The following OR56A3 variants were observed in gnomAD, a reference collection of about 807,000 sequenced individuals.
OR56A3 encodes olfactory receptor 56A3.
In OR56A3, 23 loss-of-function variants were observed where a neutral mutation model predicts 17.5. That is an observed-to-expected ratio of 1.32 (90% CI 0.95 to 1.87). The LOEUF (loss-of-function observed/expected upper bound fraction) is 1.87, where lower values mean the gene tolerates loss of function less well. Among genes scored for constraint, OR56A3 ranks in the 40% most tolerant of loss-of-function variants. The pLI, the probability that OR56A3 is intolerant of heterozygous loss-of-function variation, is 0.00. For missense variants in OR56A3, 366 were observed against 380.1 expected (o/e 0.96, Z 0.31); for synonymous variants, 175 against 150.6 (o/e 1.16, Z -1.19).
chr11:5,954,091 A>G (rs572484929), downstream of OR56A3, among the ~76,000 whole-genome samples: 1 of 152,304 alleles, frequency 6.6e-6, no homozygotes, highest in Non-Finnish European at 1.5e-5. Context: ...TACTCATTAA[A>G]GAGATGGTCA....
At chr11:5,970,758 A>C in the OR56A3 span, among the ~76,000 whole-genome samples, 1 of 152,022 alleles carries the variant, frequency 6.6e-6, no homozygotes, top group Non-Finnish European at 1.5e-5. Context: ...TGCACAAATC[A>C]CACCACTGCC....
At chr11:5,987,017 G>T in the OR56A3 span, 2 of 1,296,700 alleles carry the variant, frequency 1.5e-6, no homozygotes, top group South Asian at 1.4e-5. Context: ...AACTGCAAAC[G>T]AAGGGAATAA....
At chr11:5,972,226 A>G in the OR56A3 span, among the ~76,000 whole-genome samples, 1 of 152,200 alleles carries the variant, frequency 6.6e-6, no homozygotes, top group African/African-American at 2.4e-5. Flanking sequence ...TCTCAGCCAC[A>G]GAACACATGG....
chr11:5,947,952 C>A lies in OR56A3; in HGVS notation c.606C>A (p.Tyr202Ter). 1 of 1,614,194 alleles carries A rather than the reference C, an allele frequency of 6.2e-7. No homozygotes were observed. The highest frequency in any genetic ancestry group is 8.5e-7 in the Non-Finnish European group (1 of 1,180,024). ...ATGATGTCACCATCAATCACCTTTA[C>A]CAATTTGCTGGAGGCTGGACTCTGC... is the stretch of plus-strand genomic sequence containing the variant. The part of the protein sequence containing the change: ...SCDDVTINHL[Y>*]QFAGGWTLLG... The change falls in exon 3 of 3, where the codon TAC (tyrosine) becomes TAA (stop). Residue 202 changes from tyrosine to a stop codon, truncating the protein, a stop_gained. Transcript: ENST00000641160. LOFTEE classifies it high-confidence loss of function.
chr11:5,971,454 C>A, the OR56A3 span, among the ~76,000 whole-genome samples: 1 of 152,208 alleles, frequency 6.6e-6, no homozygotes, highest in African/African-American at 2.4e-5. Context: ...TTCCCAGACT[C>A]TGATCCATCC....
chr11:5,959,024 T>C, the OR56A3 span, among the ~76,000 whole-genome samples: 1 of 152,232 alleles, frequency 6.6e-6, no homozygotes, highest in African/African-American at 2.4e-5. Context: ...TTTTCATTAA[T>C]CTATGGATGA....
the OR56A3 span, among the ~76,000 whole-genome samples, chr11:5,960,991 C>T: frequency 6.0e-5 from 9 of 148,866 alleles, no homozygotes; most frequent in South Asian, 2.1e-4. Context: ...TCTGACCGGC[C>T]GCCCCATCTG....
the OR56A3 span, among the ~76,000 whole-genome samples, chr11:6,010,325 T>C: frequency 5.3e-5 from 8 of 152,182 alleles, no homozygotes; most frequent in Non-Finnish European, 1.0e-4. Flanking sequence ...TACACTGCTA[T>C]GGTTTGAATG....
At chr11:5,994,702 G>A in the OR56A3 span, 11 of 833,780 alleles carry the variant, frequency 1.3e-5, no homozygotes, top group Middle Eastern at 3.4e-4. Flanking sequence ...GGGCATTGTC[G>A]ATTTGCAGAA....
chr11:6,010,786 T>A, the OR56A3 span, among the ~76,000 whole-genome samples: 45 of 152,038 alleles, frequency 3.0e-4, no homozygotes, highest in African/African-American at 9.7e-4. Flanking sequence ...GGGATTTTTT[T>A]ATTCTTTCTA....
At chr11:6,016,432 C>T in the OR56A3 span, among the ~76,000 whole-genome samples, 2 of 152,130 alleles carry the variant, frequency 1.3e-5, no homozygotes, top group African/African-American at 4.8e-5. Flanking sequence ...GGAGACTACA[C>T]TACTGCAAGC....
At chr11:5,961,767 A>G in the OR56A3 span, among the ~76,000 whole-genome samples, 10 of 152,038 alleles carry the variant, frequency 6.6e-5, no homozygotes, top group African/African-American at 1.4e-4. Context: ...AAAAAAAAAA[A>G]AAAGAAAGCG....
chr11:5,948,893 T>C lies in OR56A3; in HGVS notation c.*599T>C, dbSNP rs1443810500. ...GACAAGTAAATTTTTGTAATGTGCA[T>C]TGCAAGAGGGCAAGGGTTTTGCCTT... On this transcript the variant is annotated 3_prime_UTR_variant, in exon 3 of 3. Transcript: ENST00000641160. 1.3e-5 allele frequency: 2 copies of C among 153,282 alleles called. No individual in the cohort carries two copies. The highest frequency in any genetic ancestry group is 4.8e-5 in the African/African-American group (2 of 41,450). 9.5% of individuals were successfully genotyped at this position (153,282 alleles called of 1,614,324 possible).
chr11:5,986,354 C>T, the OR56A3 span: 7 of 1,613,952 alleles, frequency 4.3e-6, no homozygotes, highest in South Asian at 7.7e-5. Flanking sequence ...TAGGCATGGC[C>T]TATGATGGTG....
chr11:5,954,569 T>C (rs770776182), downstream of OR56A3, among the ~76,000 whole-genome samples: 5 of 152,190 alleles, frequency 3.3e-5, no homozygotes, highest in Non-Finnish European at 7.3e-5. Flanking sequence ...CATATTGTCT[T>C]TTTAAATAAT....
At chr11:5,994,100 G>C in the OR56A3 span, 1 of 489,396 alleles carries the variant, frequency 2.0e-6, no homozygotes, top group South Asian at 1.5e-5. Flanking sequence ...GCCTGGTGCT[G>C]CCTGTCTGCT....
intron 2 of OR56A3, among the ~76,000 whole-genome samples, chr11:5,945,440 G>A (rs906673329): frequency 5.9e-5 from 9 of 152,014 alleles, no homozygotes; most frequent in African/African-American, 2.2e-4. Context: ...AAATTAACTG[G>A]GTGTGGTGGC....
the OR56A3 span, among the ~76,000 whole-genome samples, chr11:5,992,661 A>C: frequency 7.9e-4 from 120 of 152,294 alleles, 3 homozygotes; most frequent in South Asian, 0.021. Context: ...TGCATGTAGG[A>C]CAAATAGGGC....
At chr11:6,002,264 C>G in the OR56A3 span, 28 of 1,614,130 alleles carry the variant, frequency 1.7e-5, no homozygotes, top group Non-Finnish European at 2.3e-5. Context: ...GGGAACCACA[C>G]GTGCTCAAGG....
Sources: allele counts gnomAD v4.1 joint callset (sites outside exome capture counted in the v4.1 genomes callset), GRCh38; gene constraint gnomAD v4.1.1; transcripts MANE v1.5; gene names NCBI Gene and HGNC (gene_info 2026-07-23, HGNC 2026-07-21).